DNAI3: variants seen among roughly 807,000 people sequenced by gnomAD.
DNAI3 encodes the protein WD repeat domain 63.
In DNAI3, 83 loss-of-function variants were observed where a neutral mutation model predicts 115.5. The observed-to-expected ratio is 0.72, with a 90% CI of 0.60 to 0.86. The LOEUF (loss-of-function observed/expected upper bound fraction) is 0.86, where lower values mean the gene tolerates loss of function less well. DNAI3 is among the 40% of genes least tolerant of loss of function. The probability of loss-of-function intolerance (pLI) is 0.00; values close to 1 mark genes in which losing one functional copy is unlikely to be tolerated. For synonymous variants in DNAI3, 320 were observed against 347.0 expected, an observed-to-expected ratio of 0.92 and a Z score of 0.86; for missense variants, 1,004 against 1,075.8, an observed-to-expected ratio of 0.93 and a Z score of 0.93.
At chr1:85,109,511 G>A (rs574797396) in intron 15 of DNAI3, among the ~76,000 whole-genome samples, 1 of 152,262 alleles carries the variant, frequency 6.6e-6, no homozygotes, top group Admixed American at 6.5e-5. Context: ...CAAACATCCT[G>A]AAGGAGAAAG....
intron 22 of DNAI3, 120 bp from the exon 23 acceptor site, chr1:85,132,735 T>A: frequency 8.6e-6 from 10 of 1,162,944 alleles, no homozygotes; most frequent in East Asian, 3.5e-5. Flanking sequence ...CTGCCCTCCA[T>A]CCAGCCCTTT....
At chr1:85,081,756 T>C (rs1325513493) in intron 4 of DNAI3, among the ~76,000 whole-genome samples, 1 of 152,170 alleles carries the variant, frequency 6.6e-6, no homozygotes, top group East Asian at 1.9e-4. Context: ...CAAGCAATCC[T>C]CCCGTTTCAG....
chr1:85,093,694 TTGTC>T (rs750614913), intron 9 of DNAI3, 46 bp downstream of exon 9: 2 of 1,610,192 alleles, frequency 1.2e-6, no homozygotes, highest in Admixed American at 1.7e-5. Context: ...AACATTGAAA[TTGTC>T]TGTTGCTTTC....
intron 16 of DNAI3, among the ~76,000 whole-genome samples, chr1:85,110,878 G>A (rs959721010): frequency 3.1e-4 from 47 of 152,008 alleles, no homozygotes; most frequent in African/African-American, 1.1e-3. Context: ...TATTTATATG[G>A]CACCAAGATA....
chr1:85,112,547 A>G lies in DNAI3; in HGVS notation c.1786+2412A>G, dbSNP rs377613616. 1.2e-4 allele frequency among the ~76,000 whole-genome samples: 19 copies of G among 152,302 alleles called. 1 individual carries two copies. The highest frequency in any genetic ancestry group is 7.8e-4 in the Admixed American group (12 of 15,296). ...TCCAGTTTTACCAGTTTACATTCCC[A>G]CTAGCAGTGTATGGAGAGTTCCATT... On this transcript the variant is annotated intron_variant, in intron 16 of 22. Coordinates refer to ENST00000294664, the MANE Select transcript of DNAI3 (RefSeq NM_145172.5).
intron 16 of DNAI3, among the ~76,000 whole-genome samples, chr1:85,111,752 G>C (rs955225348): frequency 3.3e-5 from 5 of 152,160 alleles, no homozygotes; most frequent in African/African-American, 1.2e-4. Flanking sequence ...CTCTTTTAAA[G>C]TGTGAGGGGT....
chr1:85,126,109 A>T (rs1372223910), intron 19 of DNAI3, among the ~76,000 whole-genome samples: 1 of 152,198 alleles, frequency 6.6e-6, no homozygotes, highest in Non-Finnish European at 1.5e-5. Flanking sequence ...CTGTTTACTG[A>T]GCTGTTTCCA....
chr1:85,084,668 A>G lies in DNAI3; in HGVS notation c.513A>G (p.Glu171=). ...VSLGSEKEIE[E]ESVTESTKQI... is the part of the protein sequence containing the mutation. Reference sequence around the variant, plus strand: ...TGGGCAGTGAAAAAGAAATTGAGGAAGAATCAGTTACGGAATCTACAAAGC... The same window carrying G: ...TGGGCAGTGAAAAAGAAATTGAGGAGGAATCAGTTACGGAATCTACAAAGC... Residue 171 remains glutamate (E), a synonymous_variant, in exon 6 of 23, where the codon GAA becomes GAG. Transcript: ENST00000294664. 6.5e-7 allele frequency: 1 copy of G among 1,542,180 alleles called. No homozygotes were observed.
intron 9 of DNAI3, 100 bp downstream of exon 9, chr1:85,093,748 C>A (rs751305185): frequency 2.0e-5 from 28 of 1,422,342 alleles, no homozygotes; most frequent in Non-Finnish European, 2.5e-5. Context: ...CAATAAGACA[C>A]CTTCCATTTG....
intron 20 of DNAI3, among the ~76,000 whole-genome samples, 156 bp from the exon 21 acceptor site, chr1:85,128,552 G>A (rs1656218223): frequency 1.3e-5 from 2 of 152,172 alleles, no homozygotes; most frequent in Non-Finnish European, 2.9e-5. Context: ...ATGTTTACAT[G>A]GTCCAGCCAT....
intron 11 of DNAI3, among the ~76,000 whole-genome samples, chr1:85,096,957 A>T (rs1251084413): frequency 1.3e-5 from 2 of 152,190 alleles, no homozygotes; most frequent in African/African-American, 4.8e-5. Context: ...TCAGAAAAGC[A>T]CATGATGAAA....
chr1:85,079,277 T>C (rs1654554055), intron 3 of DNAI3, among the ~76,000 whole-genome samples: 1 of 152,246 alleles, frequency 6.6e-6, no homozygotes, highest in Non-Finnish European at 1.5e-5. Context: ...GATAAAAGTG[T>C]ATAATTTGTC....
At chr1:85,082,601 C>T (rs1345338259) in intron 5 of DNAI3, among the ~76,000 whole-genome samples, 197 bp downstream of exon 5, 7 of 152,052 alleles carry the variant, frequency 4.6e-5, no homozygotes, top group Admixed American at 1.3e-4. Context: ...TGCACCACCA[C>T]GTCAAGCTAA....
chr1:85,113,652 TC>T (rs1321834836), intron 16 of DNAI3, among the ~76,000 whole-genome samples: 2 of 150,976 alleles, frequency 1.3e-5, no homozygotes, highest in South Asian at 2.1e-4. Context: ...CTTTTTTTTT[TC>T]AAAGTAGTTT....
chr1:85,069,088 C>A (rs183353771), intron 1 of DNAI3, among the ~76,000 whole-genome samples: 27 of 152,324 alleles, frequency 1.8e-4, no homozygotes, highest in African/African-American at 6.5e-4. Flanking sequence ...TTTGTTACTG[C>A]AGCAAAGCTG....
At chr1:85,118,629 A>G (rs751448102) in intron 17 of DNAI3, among the ~76,000 whole-genome samples, 6 of 152,198 alleles carry the variant, frequency 3.9e-5, no homozygotes, top group Non-Finnish European at 8.8e-5. Context: ...AAAGCAATCA[A>G]TTCCACAAGC....
intron 20 of DNAI3, 117 bp from the exon 21 acceptor site, chr1:85,128,591 T>C: frequency 1.3e-6 from 1 of 749,158 alleles, no homozygotes; most frequent in Admixed American, 2.9e-5. Context: ...CCAAGATCAC[T>C]GGAACCACAG....
At chr1:85,083,214 G>T (rs1032200512) in intron 5 of DNAI3, among the ~76,000 whole-genome samples, 29 of 152,214 alleles carry the variant, frequency 1.9e-4, no homozygotes, top group African/African-American at 6.0e-4. Context: ...TCTAGGCTGG[G>T]CACAGTGGCT....
Position 85,100,102 on chromosome 1 carries a change from A to C in DNAI3, c.1479+1444A>C, listed in dbSNP as rs1347983632. On this transcript the variant is annotated intron_variant, in intron 13 of 22. Coordinates refer to ENST00000294664, the MANE Select transcript of DNAI3 (RefSeq NM_145172.5). ...CCAAAATACCAAAAGCAATGGCAAC[A>C]AAAGCCAAAATTGACAAATGGGATC... Among the ~76,000 whole-genome samples the C allele has an allele frequency of 1.6e-4, 11 of 68,596 alleles. 2 individuals carry two copies. The highest frequency in any genetic ancestry group is 4.0e-4 in the African/African-American group (10 of 25,008). 45.0% of individuals were successfully genotyped at this position (68,596 alleles called of 152,430 possible).
Sources: allele counts gnomAD v4.1 joint callset (sites outside exome capture counted in the v4.1 genomes callset), GRCh38; gene constraint gnomAD v4.1.1; transcripts MANE v1.5; gene names NCBI Gene and HGNC (gene_info 2026-07-23, HGNC 2026-07-21).